Variants in EYA2 observed in about 807,000 individuals in gnomAD.
EYA2 encodes the protein EYA transcriptional coactivator and phosphatase 2, also known as protein phosphatase EYA2.
EYA2 carries 31 observed loss-of-function variants against 69.2 expected under a neutral mutation model. The ratio of observed to expected loss-of-function variants is 0.45; its 90% confidence interval spans 0.34 to 0.60. EYA2 has a LOEUF of 0.60. EYA2 is among the 20% of genes least tolerant of loss of function. The pLI is 0.02. For missense variants in EYA2, 622 were observed against 701.2 expected (o/e 0.89, Z 1.28); for synonymous variants, 257 against 279.4 (o/e 0.92, Z 0.80).
intron 1 of EYA2, among the ~76,000 whole-genome samples, chr20:46,952,937 T>A (rs1978893458): frequency 6.6e-6 from 1 of 152,222 alleles, no homozygotes; most frequent in Admixed American, 6.5e-5. Context: ...TCTAAACACA[T>A]GAAAAATGAG....
intron 1 of EYA2, among the ~76,000 whole-genome samples, chr20:46,972,795 C>T (rs974910746): frequency 2.6e-5 from 4 of 152,282 alleles, no homozygotes; most frequent in African/African-American, 7.2e-5. Flanking sequence ...AGGTTCCTGC[C>T]GGCTCTGCCT....
intron 10 of EYA2, among the ~76,000 whole-genome samples, chr20:47,156,139 T>C (rs1253012866): frequency 0.061 from 689 of 11,340 alleles, 2 homozygotes; most frequent in African/African-American, 0.081. Context: ...TATATATATA[T>C]ATATATATAT....
intron 5 of EYA2, among the ~76,000 whole-genome samples, chr20:47,017,851 A>G (rs1983504966): frequency 6.6e-6 from 1 of 152,182 alleles, no homozygotes; most frequent in East Asian, 1.9e-4. Flanking sequence ...AGGATTTTAG[A>G]TTTTATTGTA....
At chr20:47,135,043 C>T (rs935874870) in intron 9 of EYA2, among the ~76,000 whole-genome samples, 4 of 144,504 alleles carry the variant, frequency 2.8e-5, no homozygotes, top group Non-Finnish European at 6.0e-5. Context: ...ACAAGAATGG[C>T]GTGAACCCAG....
At chr20:47,124,860 A>G (rs989780702) in intron 9 of EYA2, among the ~76,000 whole-genome samples, 1 of 137,980 alleles carries the variant, frequency 7.2e-6, no homozygotes, top group African/African-American at 2.8e-5. Flanking sequence ...AGCTGAAAGA[A>G]CATTCTTCAA....
At chr20:47,185,565 G>C (rs149338713) in intron 15 of EYA2, among the ~76,000 whole-genome samples, 2,616 of 152,170 alleles carry the variant, frequency 0.017, 81 homozygotes, top group African/African-American at 0.059. Flanking sequence ...GCCTCCCAAA[G>C]TACTGGGATT....
chr20:46,973,661 G>A (rs13433203), intron 1 of EYA2, among the ~76,000 whole-genome samples: 4,625 of 152,178 alleles, frequency 0.03, 104 homozygotes, highest in Middle Eastern at 0.061. Flanking sequence ...TGGAAAAACC[G>A]TGAACATTGT....
chr20:47,072,348 C>T (rs2031345775), intron 6 of EYA2, 96 bp downstream of exon 6: 4 of 1,176,830 alleles, frequency 3.4e-6, no homozygotes, highest in Non-Finnish European at 5.0e-6. Context: ...CACACAATCC[C>T]CATTGGGAAC....
At chr20:46,948,113 AAAAAAAAAAAG>A (rs1266489529) in intron 1 of EYA2, among the ~76,000 whole-genome samples, 3 of 151,298 alleles carry the variant, frequency 2.0e-5, no homozygotes, top group Non-Finnish European at 2.9e-5. Flanking sequence ...TTGTCTCAAA[AAAAAAAAAAAG>A]AAAAAGAAAA....
At chr20:46,898,420 CA>C (rs1364119148) in intron 1 of EYA2, among the ~76,000 whole-genome samples, 13 of 151,126 alleles carry the variant, frequency 8.6e-5, no homozygotes. Flanking sequence ...CACACACACA[CA>C]CACCACAATT....
intron 6 of EYA2, among the ~76,000 whole-genome samples, chr20:47,073,061 T>C (rs1568760232): frequency 6.6e-6 from 1 of 152,206 alleles, no homozygotes; most frequent in South Asian, 2.1e-4. Flanking sequence ...ACAGTACTTT[T>C]TAAGATGTGG....
At chr20:47,161,214 T>C (rs1600756571) in intron 10 of EYA2, 1 of 472,964 alleles carries the variant, frequency 2.1e-6, no homozygotes, top group Non-Finnish European at 3.9e-6. Context: ...CCGATCTTGC[T>C]CCCCCAGTAG....
chr20:47,078,327 GCGCGCACA>G (rs1222703154), intron 7 of EYA2, among the ~76,000 whole-genome samples: 1,025 of 78,098 alleles, frequency 0.013, 18 homozygotes, highest in East Asian at 0.054. Context: ...GTGCGCGCGC[GCGCGCACA>G]CACACACACA....
chr20:47,053,659 C>A (rs1364021021), intron 5 of EYA2, among the ~76,000 whole-genome samples: 1 of 137,954 alleles, frequency 7.2e-6, no homozygotes, highest in East Asian at 2.0e-4. Flanking sequence ...AGGAGTGAGA[C>A]CTTGTCTCAA....
At chr20:47,039,352 C>T (rs762446111) in intron 5 of EYA2, among the ~76,000 whole-genome samples, 4 of 152,188 alleles carry the variant, frequency 2.6e-5, no homozygotes, top group Admixed American at 1.3e-4. Flanking sequence ...TCAGTGTCTA[C>T]TAATAAAGTT....
At chr20:47,030,469 T>C (rs561892434) in intron 5 of EYA2, among the ~76,000 whole-genome samples, 10 of 152,346 alleles carry the variant, frequency 6.6e-5, no homozygotes, top group Admixed American at 2.6e-4. Context: ...GCAGGCAGCA[T>C]GCTAAGCATG....
At position 47,001,391 on chromosome 20, in the gene EYA2, C is replaced by T. The variant is rs748140556; in HGVS notation, c.110-37C>T. 5 of 1,600,368 alleles carry T rather than the reference C, an allele frequency of 3.1e-6. No homozygotes were observed. The African/African-American group carries it at 4.0e-5, about 13-fold the overall frequency. On this transcript the variant is annotated intron_variant, in intron 2 of 15. Coordinates refer to ENST00000327619, the MANE Select transcript of EYA2 (RefSeq NM_005244.5). Reference sequence around the variant, plus strand: ...CACCTCTGCAGAACATCACCCTAATCGCTAAAACTCTTCCAATTTTTCTTT... The same window carrying T: ...CACCTCTGCAGAACATCACCCTAATTGCTAAAACTCTTCCAATTTTTCTTT...
chr20:46,983,026 G>C (rs1451635917), intron 1 of EYA2, among the ~76,000 whole-genome samples: 1 of 152,092 alleles, frequency 6.6e-6, no homozygotes. Context: ...ACCTGCCTTG[G>C]ACTCCCAAAG....
intron 1 of EYA2, among the ~76,000 whole-genome samples, chr20:46,944,964 C>T (rs540793673): frequency 6.6e-6 from 1 of 152,162 alleles, no homozygotes; most frequent in South Asian, 2.1e-4. Context: ...ATTAGCCAGG[C>T]GCGGTGGTGC....
Sources: gnomAD v4.1 joint callset for allele counts (sites outside exome capture counted in the v4.1 genomes callset) on GRCh38, gnomAD v4.1.1 for gene constraint, MANE v1.5 for transcripts, NCBI Gene and HGNC (gene_info 2026-07-23, HGNC 2026-07-21) for gene names.